AGGF1: variants seen among roughly 807,000 people sequenced by gnomAD.
The protein encoded by AGGF1 is angiogenic factor with G patch and FHA domains 1.
A neutral mutation model predicts 86.5 loss-of-function variants in AGGF1; 56 were observed. The ratio of observed to expected loss-of-function variants is 0.65; its 90% CI spans 0.52 to 0.81. The LOEUF is 0.81. AGGF1 is among the 30% of genes least tolerant of loss of function. AGGF1 has a pLI of 0.00. For synonymous variants in AGGF1, 313 were observed against 297.1 expected, an observed-to-expected ratio of 1.05 and a Z score of -0.55; for missense variants, 816 against 850.9, an observed-to-expected ratio of 0.96 and a Z score of 0.51.
Position 77,055,255 on chromosome 5 carries a change from G to A in AGGF1, c.1634-259G>A, listed in dbSNP as rs974857577. Among the ~76,000 whole-genome samples, 20 of 151,732 alleles carry A rather than the reference G, an allele frequency of 1.3e-4. 1 individual carries two copies. Among genetic ancestry groups the A allele is most frequent in the Admixed American group, 1.3e-3 (20 of 15,236 alleles). ...ATTACAATAATCATATTGAAAAATC[G>A]AGATGTTCATTGTTCATTTTGGTAG... On this transcript the variant is annotated intron_variant, in intron 10 of 13. Coordinates refer to ENST00000312916, the MANE Select transcript of AGGF1 (RefSeq NM_018046.5).
intron 1 of AGGF1, among the ~76,000 whole-genome samples, chr5:77,032,691 T>C (rs1448415793): frequency 1.3e-5 from 2 of 152,128 alleles, no homozygotes; most frequent in Non-Finnish European, 2.9e-5. Context: ...TTAGAGATTC[T>C]AAAAGAAAAC....
intron 5 of AGGF1, among the ~76,000 whole-genome samples, chr5:77,040,052 T>A (rs966541358): frequency 6.6e-6 from 1 of 151,718 alleles, no homozygotes; most frequent in South Asian, 2.1e-4. Flanking sequence ...TAGGTAGACA[T>A]AGATACAGGT....
Position 77,030,919 on chromosome 5 carries a change from T to G in AGGF1, c.153T>G (p.His51Gln), listed in dbSNP as rs765667476. The G allele has an allele frequency of 6.2e-7, 1 of 1,613,300 alleles. No homozygotes were observed. The highest frequency in any genetic ancestry group is 8.5e-7 in the Non-Finnish European group (1 of 1,179,980). The change falls in exon 1 of 14, where the codon CAT becomes CAG. Residue 51 changes from histidine to glutamine, a missense_variant. His to Gln is a conservative substitution (Grantham distance 24). This residue lies in a region of AGGF1 where 240 missense variants were observed against 234.4 expected (regional missense o/e 1.02). Coordinates refer to ENST00000312916, the MANE Select transcript of AGGF1 (RefSeq NM_018046.5). ...RQVREIEKLL[H>Q]HTERLYQNAE... ...TGCGGGAGATCGAGAAGCTGCTGCA[T>G]CACACAGAACGGCTGTACCAGAACG...
chr5:77,060,542 C>A (rs1425703059), intron 12 of AGGF1, among the ~76,000 whole-genome samples: 1 of 152,082 alleles, frequency 6.6e-6, no homozygotes, highest in Non-Finnish European at 1.5e-5. Context: ...GACCGTATTT[C>A]TGCATTTAAT....
At chr5:77,056,395 AT>A (rs1236989850) in intron 11 of AGGF1, among the ~76,000 whole-genome samples, 1 of 151,834 alleles carries the variant, frequency 6.6e-6, no homozygotes, top group Non-Finnish European at 1.5e-5. Context: ...CGCCCCGCTA[AT>A]TTTTGTATTT....
chr5:77,053,909 A>G (rs1280087868), intron 9 of AGGF1, 56 bp from the exon 10 acceptor site: 1 of 1,544,090 alleles, frequency 6.5e-7, no homozygotes, highest in Non-Finnish European at 8.9e-7. Context: ...CAGTAGATGT[A>G]AGGTAACCAT....
chr5:77,036,293 A>C lies in AGGF1; in HGVS notation c.517-263A>C, dbSNP rs368580722. ...ATATTTCAGGGTCTGTATTTTGTGGATGGCTTCCCTGTGGCATCATACATT... is the reference window on the plus strand; with the variant it reads ...ATATTTCAGGGTCTGTATTTTGTGGCTGGCTTCCCTGTGGCATCATACATT... On this transcript the variant is annotated intron_variant, in intron 3 of 13. Transcript: ENST00000312916. Among the ~76,000 whole-genome samples, 149 of 152,298 alleles carry C rather than the reference A, an allele frequency of 9.8e-4. 1 individual carries two copies. Among genetic ancestry groups the C allele is most frequent in the African/African-American group, 3.4e-3 (142 of 41,554 alleles).
In AGGF1 at chr5:77,063,320, C is replaced by T. The variant is rs1747601928; in HGVS notation, c.*68C>T. The T allele has an allele frequency of 1.4e-6, 2 of 1,433,192 alleles. No homozygotes were observed. The highest frequency in any genetic ancestry group is 1.4e-5 in the African/African-American group (1 of 70,068). 88.8% of individuals were successfully genotyped at this position (1,433,192 alleles called of 1,614,324 possible). ...GAATTTGGAAACTTATTTTTTCTCC[C>T]CAAAAGAATCAGCAGCACAGGGGAA... On this transcript the variant is annotated 3_prime_UTR_variant, in exon 14 of 14. Transcript: ENST00000312916.
At position 77,030,764 on chromosome 5, in the gene AGGF1, C is replaced by A. The variant is rs762786451; in HGVS notation, c.-3C>A. The A allele has an allele frequency of 1.3e-6, 2 of 1,568,598 alleles. No individual in the cohort carries two copies. The highest frequency in any genetic ancestry group is 1.7e-6 in the Non-Finnish European group (2 of 1,163,756). Reference sequence around the variant, plus strand: ...GGCGACGAGCAGTCTCGCGCCGGAGCTCATGGCCTCGGAGGCGCCGTCCCC... The same window carrying A: ...GGCGACGAGCAGTCTCGCGCCGGAGATCATGGCCTCGGAGGCGCCGTCCCC... On this transcript the variant is annotated 5_prime_UTR_variant, in exon 1 of 14. Transcript: ENST00000312916.
chr5:77,031,538 T>C (rs1218627698), intron 1 of AGGF1, among the ~76,000 whole-genome samples: 1 of 152,238 alleles, frequency 6.6e-6, no homozygotes, highest in Non-Finnish European at 1.5e-5. Flanking sequence ...TTGGAGACGT[T>C]AAGCAGCTTA....
intron 9 of AGGF1, among the ~76,000 whole-genome samples, chr5:77,053,406 C>T (rs1188874338): frequency 2.0e-5 from 3 of 152,144 alleles, no homozygotes; most frequent in African/African-American, 7.2e-5. Context: ...GTTATCCCAG[C>T]TACTTGGGAT....
chr5:77,057,971 A>G (rs1475437847), intron 11 of AGGF1, among the ~76,000 whole-genome samples: 1 of 152,198 alleles, frequency 6.6e-6, no homozygotes. Flanking sequence ...GTAAACTTCT[A>G]GGAAAGCAAA....
chr5:77,064,649 T>C lies in AGGF1; in HGVS notation c.*1397T>C, dbSNP rs1742756352. 1 of 152,226 alleles carries C rather than the reference T, an allele frequency of 6.6e-6. No homozygotes were observed. Among genetic ancestry groups the C allele is most frequent in the Non-Finnish European group, 1.5e-5 (1 of 68,048 alleles). 9.4% of individuals were successfully genotyped at this position (152,226 alleles called of 1,614,324 possible). ...TCTCTTTGCATTCTTCTTGGCCACC[T>C]GCATAGTCTGACACATACGTATGTA... On this transcript the variant is annotated 3_prime_UTR_variant, in exon 14 of 14. Transcript: ENST00000312916.
At chr5:77,036,852 C>A in intron 4 of AGGF1, 132 bp downstream of exon 4, 1 of 973,778 alleles carries the variant, frequency 1.0e-6, no homozygotes, top group Non-Finnish European at 1.6e-6. Flanking sequence ...ATTCTTATGT[C>A]TCAGCATCCC....
Position 77,035,645 on chromosome 5 carries a change from A to G in AGGF1, c.418A>G (p.Lys140Glu), listed in dbSNP as rs754575482. ...QAIETSILNS[K>E]DHLQVENDAY... The stretch of plus-strand genomic sequence containing the variant: ...TATCGAAACTTCTATTTTGAATTCT[A>G]AAGACCATTTACAAGTAGAAAATGA... Residue 140 changes from lysine to glutamate, a missense_variant, in exon 3 of 14, where the codon AAA becomes GAA. Coordinates refer to ENST00000312916, the MANE Select transcript of AGGF1 (RefSeq NM_018046.5). The G allele has an allele frequency of 1.4e-5, 23 of 1,613,536 alleles. No individual in the cohort carries two copies. The East Asian group carries it at 5.1e-4, about 36-fold the overall frequency.
intron 8 of AGGF1, among the ~76,000 whole-genome samples, chr5:77,050,114 T>C (rs7713217): frequency 0.23 from 34,541 of 151,824 alleles, 4,477 homozygotes; most frequent in Non-Finnish European, 0.29. Flanking sequence ...GAGGAAAAAG[T>C]CCTCTTAATT....
intron 9 of AGGF1, among the ~76,000 whole-genome samples, chr5:77,053,156 G>A (rs1462175709): frequency 1.3e-5 from 2 of 152,162 alleles, no homozygotes; most frequent in African/African-American, 4.8e-5. Context: ...GTATTAAAGG[G>A]AAAAGCTATG....
chr5:77,042,240 T>C (rs1747105012), intron 5 of AGGF1, among the ~76,000 whole-genome samples: 1 of 151,092 alleles, frequency 6.6e-6, no homozygotes, highest in Admixed American at 6.6e-5. Flanking sequence ...ACCATCCGAT[T>C]TCTCAATCTT....
At chr5:77,034,566 TC>T (rs1746929340) in intron 2 of AGGF1, 46 bp downstream of exon 2, 3 of 1,274,556 alleles carry the variant, frequency 2.4e-6, no homozygotes, top group Admixed American at 1.7e-5. Context: ...TACATTCAAA[TC>T]ATGCTAATGT....
Sources: allele counts gnomAD v4.1 joint callset (sites outside exome capture counted in the v4.1 genomes callset), GRCh38; gene constraint gnomAD v4.1.1; regional missense constraint gnomAD v4.1.1; transcripts MANE v1.5; gene names NCBI Gene and HGNC (gene_info 2026-07-23, HGNC 2026-07-21).